The following STPG1 variants were observed in gnomAD, a reference collection of about 807,000 sequenced individuals.
STPG1 encodes sperm tail PG-rich repeat containing 1, also known as O(6)-methylguanine-induced apoptosis 2.
In STPG1, 33 loss-of-function variants were observed where a neutral mutation model predicts 40.1. That is an observed-to-expected ratio of 0.82 (90% CI 0.62 to 1.10). The LOEUF (loss-of-function observed/expected upper bound fraction) is 1.10, where lower values mean the gene tolerates loss of function less well. STPG1 is among the 50% of genes least tolerant of loss of function. The pLI is 0.00. For missense variants in STPG1, 396 were observed against 415.1 expected, an observed-to-expected ratio of 0.95 and a Z score of 0.40; for synonymous variants, 150 against 155.0, an observed-to-expected ratio of 0.97 and a Z score of 0.24.
chr1:24,379,666 G>T lies in STPG1; in HGVS notation c.449C>A (p.Pro150Gln). The part of the protein sequence containing the change: ...MKALKFETPA[P>Q]NYYNASVSCC... ...CAGAGTTCTTACATTGTAATAGTTT[G>T]GTGCAGGAGTTTCAAACTTGAGAGC... The change falls in exon 5 of 9, where the codon CCA becomes CAA. Residue 150 changes from proline (P) to glutamine (Q), a missense_variant. Transcript: ENST00000337248. 6.2e-7 allele frequency: 1 copy of T among 1,614,116 alleles called. No individual in the cohort carries two copies. The highest frequency in any genetic ancestry group is 1.1e-5 in the South Asian group (1 of 91,078).
chr1:24,357,957 G>T lies in STPG1; in HGVS notation c.*586C>A, dbSNP rs1640830106. 1 of 344,746 alleles carries T rather than the reference G, an allele frequency of 2.9e-6. No individual in the cohort carries two copies. The highest frequency in any genetic ancestry group is 3.8e-5 in the Admixed American group (1 of 26,332). 21.4% of individuals were successfully genotyped at this position (344,746 alleles called of 1,614,324 possible). On this transcript the variant is annotated 3_prime_UTR_variant, in exon 9 of 9. Coordinates refer to ENST00000337248, the MANE Select transcript of STPG1 (RefSeq NM_001199013.2). The stretch of plus-strand genomic sequence containing the variant: ...AAAGGTCTAAAAGGAGTAAAGAGAG[G>T]TCTTTCCAAACAGGTGGTCACTTTA...
At chr1:24,375,460 C>T (rs1025256852) in intron 5 of STPG1, among the ~76,000 whole-genome samples, 1 of 152,052 alleles carries the variant, frequency 6.6e-6, no homozygotes, top group African/African-American at 2.4e-5. Flanking sequence ...TTAGCTTTTC[C>T]CAGGGCCCTA....
intron 1 of STPG1, among the ~76,000 whole-genome samples, chr1:24,406,216 T>C (rs549918910): frequency 4.6e-5 from 7 of 152,140 alleles, no homozygotes; most frequent in Non-Finnish European, 1.0e-4. Context: ...GCTATACTTA[T>C]GTATAGTGAT....
At chr1:24,407,658 G>C (rs1012525191) in intron 1 of STPG1, among the ~76,000 whole-genome samples, 7 of 151,988 alleles carry the variant, frequency 4.6e-5, no homozygotes, top group Admixed American at 3.9e-4. Context: ...GGCTGGTCTT[G>C]AACTCTTGAC....
At chr1:24,382,195 C>G (rs570838521) in intron 4 of STPG1, among the ~76,000 whole-genome samples, 1 of 152,246 alleles carries the variant, frequency 6.6e-6, no homozygotes, top group African/African-American at 2.4e-5. Flanking sequence ...AGTTACCGCA[C>G]GCAAAGCCTT....
At chr1:24,378,452 A>G (rs1570027947) in intron 5 of STPG1, among the ~76,000 whole-genome samples, 1 of 152,116 alleles carries the variant, frequency 6.6e-6, no homozygotes, top group African/African-American at 2.4e-5. Context: ...TGGCTAACCC[A>G]GTGAAACCCC....
At chr1:24,400,856 T>C (rs1643195391) in intron 2 of STPG1, among the ~76,000 whole-genome samples, 1 of 152,168 alleles carries the variant, frequency 6.6e-6, no homozygotes, top group Admixed American at 6.5e-5. Flanking sequence ...CCCAGCCTCC[T>C]GGGATCACAC....
rs1269276307 is a variant in STPG1, at chr1:24,399,992, T to C, written c.70+1327A>G. ...ATATCAACTAAGCTTACCCTAAACA[T>C]ACCCTATGACCCAGCAGTTCCACTC... is the stretch of plus-strand genomic sequence containing the variant. On this transcript the variant is annotated intron_variant, in intron 2 of 8. Coordinates refer to ENST00000337248, the MANE Select transcript of STPG1 (RefSeq NM_001199013.2). The surrounding 1 kb of genome is among the most constrained non-coding windows in gnomAD (Gnocchi z 4.0). Among the ~76,000 whole-genome samples, 1 of 152,174 alleles carries C rather than the reference T, an allele frequency of 6.6e-6. No homozygotes were observed. The highest frequency in any genetic ancestry group is 2.4e-5 in the African/African-American group (1 of 41,440).
intron 3 of STPG1, among the ~76,000 whole-genome samples, chr1:24,385,771 T>C (rs917331690): frequency 6.6e-6 from 1 of 152,188 alleles, no homozygotes; most frequent in African/African-American, 2.4e-5. Flanking sequence ...GGGTTATGAA[T>C]CAGAAATTGT....
intron 5 of STPG1, among the ~76,000 whole-genome samples, chr1:24,376,492 C>T (rs1010675998): frequency 4.3e-4 from 65 of 152,040 alleles, no homozygotes; most frequent in African/African-American, 1.6e-3. Context: ...CTAAATGTAT[C>T]TATTGGCAGA....
chr1:24,374,252 T>G (rs1028085934), intron 5 of STPG1, among the ~76,000 whole-genome samples: 8 of 92,488 alleles, frequency 8.6e-5, no homozygotes, highest in African/African-American at 2.7e-4. Flanking sequence ...GTGTTTTTTT[T>G]TTTTGTTTTT....
intron 2 of STPG1, 145 bp from the exon 3 acceptor site, chr1:24,391,824 G>T: frequency 4.1e-6 from 5 of 1,221,234 alleles, no homozygotes; most frequent in South Asian, 4.1e-5. Flanking sequence ...ACACGAAACC[G>T]GATTAAAAAA....
In STPG1 at chr1:24,360,865, C is replaced by A. The variant is rs560627804; in HGVS notation, c.914G>T (p.Gly305Val). The A allele has an allele frequency of 4.9e-5, 79 of 1,612,494 alleles. No homozygotes were observed. Among genetic ancestry groups the A allele is most frequent in the Admixed American group, 8.4e-5 (5 of 59,792 alleles). The change falls in exon 8 of 9, where the codon GGC (glycine) becomes GTC (valine). Residue 305 changes from glycine (G) to valine (V), a missense_variant. Gly to Val is a moderately radical substitution (Grantham distance 109, BLOSUM62 -3). Coordinates refer to ENST00000337248, the MANE Select transcript of STPG1 (RefSeq NM_001199013.2). Reference protein sequence around the residue: ...SRWTAAPPQPGLPGPATYKPE... With the variant: ...SRWTAAPPQPVLPGPATYKPE... ...AATCCTCTGACCTGGGCCAGGCAGG[C>A]CTGGCTGAGGCGGCGCCGCTGTCCA...
chr1:24,393,851 G>A (rs1223502686), intron 2 of STPG1, among the ~76,000 whole-genome samples: 1 of 152,180 alleles, frequency 6.6e-6, no homozygotes, highest in Non-Finnish European at 1.5e-5. Flanking sequence ...TTGGCAATAA[G>A]ATGGTCCCCA....
At chr1:24,378,742 C>T (rs1642146498) in intron 5 of STPG1, among the ~76,000 whole-genome samples, 1 of 152,252 alleles carries the variant, frequency 6.6e-6, no homozygotes, top group South Asian at 2.1e-4. Context: ...ATGTATAAAA[C>T]CAAAATAGTT....
intron 6 of STPG1, among the ~76,000 whole-genome samples, chr1:24,371,325 C>T (rs891426269): frequency 6.6e-6 from 1 of 152,168 alleles, no homozygotes; most frequent in Admixed American, 6.5e-5. Flanking sequence ...CGGTGGCTCA[C>T]ACCTATAATC....
chr1:24,407,435 G>A (rs573858280), intron 1 of STPG1, among the ~76,000 whole-genome samples: 18 of 145,614 alleles, frequency 1.2e-4, no homozygotes, highest in Non-Finnish European at 2.2e-4. Context: ...ATGTCTTCAA[G>A]TTCACTGATT....
intron 7 of STPG1, among the ~76,000 whole-genome samples, chr1:24,361,555 C>T (rs1183007839): frequency 6.6e-6 from 1 of 152,092 alleles, no homozygotes; most frequent in East Asian, 1.9e-4. Context: ...TTTGCCATCC[C>T]AAGACCAGCA....
intron 1 of STPG1, among the ~76,000 whole-genome samples, chr1:24,402,345 C>A (rs1308743616): frequency 6.6e-6 from 1 of 152,156 alleles, no homozygotes; most frequent in Non-Finnish European, 1.5e-5. Flanking sequence ...TTTGCTCAAT[C>A]TTGTTAATTT....
Sources: allele counts gnomAD v4.1 joint callset (sites outside exome capture counted in the v4.1 genomes callset), GRCh38; gene constraint gnomAD v4.1.1; non-coding constraint Gnocchi (gnomAD v3.1); transcripts MANE v1.5; gene names NCBI Gene and HGNC (gene_info 2026-07-23, HGNC 2026-07-21).